The following PTPRD variants were observed in gnomAD, a reference collection of about 807,000 sequenced individuals.
PTPRD encodes the protein receptor-type tyrosine-protein phosphatase delta.
Under a neutral mutation model 214.5 loss-of-function variants are expected in PTPRD, and 34 were observed. The observed-to-expected ratio is 0.16, with a 90% CI of 0.12 to 0.21. The LOEUF is 0.21. Ranked by LOEUF, PTPRD falls within the 10% of genes least tolerant of loss-of-function variation. PTPRD has a pLI of 1.00. For synonymous variants in PTPRD, 1,128 were observed against 845.7 expected, an observed-to-expected ratio of 1.33 and a Z score of -5.79; for missense variants, 2,545 against 2,398.7, an observed-to-expected ratio of 1.06 and a Z score of -1.27.
intron 2 of PTPRD, among the ~76,000 whole-genome samples, chr9:10,421,724 T>C (rs2154516150): frequency 6.6e-6 from 1 of 152,044 alleles, no homozygotes; most frequent in Admixed American, 6.6e-5. Flanking sequence ...ACCGTCTCTT[T>C]CATAGAAACT....
rs1407973 is a variant in PTPRD at position 8,462,030 on chromosome 9, C to G, written c.3715-1459G>C. Among the ~76,000 whole-genome samples the G allele has an allele frequency of 1.8e-3, 276 of 152,084 alleles. 2 individuals carry two copies. The highest frequency in any genetic ancestry group is 6.2e-3 in the African/African-American group (258 of 41,536). On this transcript the variant is annotated intron_variant, in intron 32 of 45. Coordinates refer to ENST00000381196, the MANE Select transcript of PTPRD (RefSeq NM_002839.4). Reference sequence around the variant, plus strand: ...CTGGCAAGGTCAGCCCAAGCTTTAACTATCAACCTCCATGCAGAATCTGTC... The same window carrying G: ...CTGGCAAGGTCAGCCCAAGCTTTAAGTATCAACCTCCATGCAGAATCTGTC...
intron 7 of PTPRD, among the ~76,000 whole-genome samples, chr9:9,670,996 G>C (rs1463339558): frequency 6.6e-6 from 1 of 152,116 alleles, no homozygotes; most frequent in Non-Finnish European, 1.5e-5. Flanking sequence ...TAGTGGAGCT[G>C]TAAGAAGAGG....
chr9:9,835,707 G>C (rs921006977), intron 5 of PTPRD, among the ~76,000 whole-genome samples: 2 of 152,164 alleles, frequency 1.3e-5, no homozygotes, highest in East Asian at 3.9e-4. Context: ...AGTATTTCCT[G>C]ATCTACTTCA....
chr9:9,263,481 A>T (rs1319387378), intron 9 of PTPRD, among the ~76,000 whole-genome samples: 1 of 151,672 alleles, frequency 6.6e-6, no homozygotes, highest in Non-Finnish European at 1.5e-5. Flanking sequence ...TACATATTCC[A>T]TTCCTGAATT....
At chr9:10,329,525 A>C (rs777036341) in intron 3 of PTPRD, among the ~76,000 whole-genome samples, 3 of 151,868 alleles carry the variant, frequency 2.0e-5, no homozygotes, top group Non-Finnish European at 2.9e-5. Context: ...TCTGATAGGT[A>C]ATCAAATGGT....
intron 14 of PTPRD, 137 bp downstream of exon 14, chr9:8,633,180 A>T: frequency 9.1e-7 from 1 of 1,097,362 alleles, no homozygotes; most frequent in Non-Finnish European, 1.3e-6. Flanking sequence ...CTGTCTAATT[A>T]AAGTTCAAGT....
intron 2 of PTPRD, among the ~76,000 whole-genome samples, chr9:10,391,070 C>A (rs1032039932): frequency 6.6e-6 from 1 of 151,716 alleles, no homozygotes; most frequent in African/African-American, 2.4e-5. Context: ...AAGAAAGACC[C>A]ATTACAGTAT....
intron 12 of PTPRD, among the ~76,000 whole-genome samples, chr9:8,718,545 C>T (rs2098460357): frequency 6.6e-6 from 1 of 152,144 alleles, no homozygotes; most frequent in Non-Finnish European, 1.5e-5. Flanking sequence ...GTGGGGCTCT[C>T]ACTCTTTCCC....
In PTPRD at chr9:9,925,382, A is replaced by G. The variant is rs530587744; in HGVS notation, c.-368+13125T>C. On this transcript the variant is annotated intron_variant, in intron 5 of 45. Transcript: ENST00000381196. ...TTTTTAAGGTAATATGTCATCTCTA[A>G]CAGGAGGGTGACTGCTGAATGTTTG... Among the ~76,000 whole-genome samples the G allele has an allele frequency of 2.6e-5, 4 of 152,206 alleles. No homozygotes were observed. In the South Asian group the frequency reaches 8.3e-4, roughly 32 times the overall value.
intron 14 of PTPRD, among the ~76,000 whole-genome samples, chr9:8,542,301 T>C (rs577718729): frequency 2.6e-5 from 4 of 152,188 alleles, no homozygotes; most frequent in African/African-American, 9.6e-5. Flanking sequence ...GAAAAATGCA[T>C]TGGGGAAAAG....
intron 5 of PTPRD, among the ~76,000 whole-genome samples, chr9:9,918,212 T>C (rs570814712): frequency 6.6e-6 from 1 of 151,788 alleles, no homozygotes; most frequent in East Asian, 1.9e-4. Flanking sequence ...TTGCAGAATA[T>C]AAAAATCAAT....
intron 3 of PTPRD, among the ~76,000 whole-genome samples, chr9:10,134,105 C>T (rs2098924159): frequency 6.6e-6 from 1 of 152,150 alleles, no homozygotes; most frequent in Non-Finnish European, 1.5e-5. Flanking sequence ...CTCACAGCAA[C>T]ACTACCCTGC....
intron 2 of PTPRD, among the ~76,000 whole-genome samples, chr9:10,606,875 T>C (rs2079546997): frequency 6.6e-6 from 1 of 151,972 alleles, no homozygotes; most frequent in Admixed American, 6.6e-5. Flanking sequence ...ACAGAAGTTC[T>C]AATATGATGA....
chr9:9,444,437 G>C (rs772475632), intron 8 of PTPRD, among the ~76,000 whole-genome samples: 2 of 152,234 alleles, frequency 1.3e-5, no homozygotes, highest in Non-Finnish European at 2.9e-5. Context: ...CAAAGGACTA[G>C]AACTATGTTC....
intron 2 of PTPRD, among the ~76,000 whole-genome samples, chr9:10,600,014 G>C (rs1250082860): frequency 2.0e-5 from 3 of 151,636 alleles, no homozygotes; most frequent in Admixed American, 2.0e-4. Flanking sequence ...TTTTTGGCTT[G>C]TGACCTAAAG....
At chr9:9,415,232 T>C (rs2076644354) in intron 8 of PTPRD, among the ~76,000 whole-genome samples, 1 of 152,034 alleles carries the variant, frequency 6.6e-6, no homozygotes, top group South Asian at 2.1e-4. Flanking sequence ...TCCCAGCACT[T>C]TGGGAGACGA....
At chr9:10,382,358 G>A (rs566122639) in intron 2 of PTPRD, among the ~76,000 whole-genome samples, 108 of 151,862 alleles carry the variant, frequency 7.1e-4, no homozygotes, top group African/African-American at 2.5e-3. Context: ...TCTTTATATT[G>A]TATGCTTTAC....
chr9:10,263,660 G>A (rs1457177169), intron 3 of PTPRD, among the ~76,000 whole-genome samples: 1 of 152,158 alleles, frequency 6.6e-6, no homozygotes, highest in African/African-American at 2.4e-5. Flanking sequence ...TGGAAAATTT[G>A]CAGCCTGACA....
chr9:9,359,264 A>C (rs2055055252), intron 9 of PTPRD, among the ~76,000 whole-genome samples: 1 of 151,324 alleles, frequency 6.6e-6, no homozygotes, highest in East Asian at 1.9e-4. Context: ...AAGCTGCATT[A>C]GTCTAAATGT....
Sources: gnomAD v4.1 joint callset for allele counts (sites outside exome capture counted in the v4.1 genomes callset) on GRCh38, gnomAD v4.1.1 for gene constraint, MANE v1.5 for transcripts, NCBI Gene and HGNC (gene_info 2026-07-23, HGNC 2026-07-21) for gene names.